Variants in LRRC8C observed in about 807,000 individuals in gnomAD.
LRRC8C encodes leucine rich repeat containing 8 VRAC subunit C.
LRRC8C carries 20 observed loss-of-function variants against 55.3 expected under a neutral mutation model. The observed-to-expected ratio is 0.36, with a 90% CI of 0.25 to 0.53. The LOEUF is 0.53. Ranked by LOEUF, LRRC8C falls within the 20% of genes least tolerant of loss-of-function variation. The pLI is 0.92. For missense variants in LRRC8C, 659 were observed against 951.4 expected, an observed-to-expected ratio of 0.69 and a Z score of 4.04; for synonymous variants, 376 against 360.7, an observed-to-expected ratio of 1.04 and a Z score of -0.48.
At chr1:89,710,960 G>A (rs1345467094) in intron 2 of LRRC8C, among the ~76,000 whole-genome samples, 2 of 152,110 alleles carry the variant, frequency 1.3e-5, no homozygotes, top group Non-Finnish European at 2.9e-5. Flanking sequence ...TCTATAAAAT[G>A]GAAATAATAA....
the LRRC8C span, among the ~76,000 whole-genome samples, chr1:89,621,791 T>C: frequency 1.5e-4 from 23 of 152,226 alleles, no homozygotes; most frequent in African/African-American, 5.5e-4. Flanking sequence ...TGGTATTTGT[T>C]TTAGGTTACT....
chr1:89,709,548 T>C (rs1281972455), intron 2 of LRRC8C, among the ~76,000 whole-genome samples: 2 of 152,116 alleles, frequency 1.3e-5, no homozygotes, highest in Admixed American at 1.3e-4. Context: ...CCAAGTTCCT[T>C]AAGTCCACCG....
Position 89,712,714 on chromosome 1 carries a change from G to T in LRRC8C, c.144G>T (p.Met48Ile). Residue 48 changes from methionine to isoleucine, a missense_variant, in exon 3 of 3, where the codon ATG becomes ATT. Physicochemically the swap from Met to Ile is conservative, Grantham distance 10 (BLOSUM62 1). Transcript: ENST00000370454. Reference sequence around the variant, plus strand: ...ATATTATTTCCATGTTTCAGGTCATGCAAGACAAGATAATCTGCCTTCCGA... The same window carrying T: ...ATATTATTTCCATGTTTCAGGTCATTCAAGACAAGATAATCTGCCTTCCGA... ...IGVFGCTLQV[M>I]QDKIICLPKR... The T allele has an allele frequency of 6.2e-7, 1 of 1,611,280 alleles. No homozygotes were observed. The highest frequency in any genetic ancestry group is 8.5e-7 in the Non-Finnish European group (1 of 1,177,434).
intron 1 of LRRC8C, among the ~76,000 whole-genome samples, chr1:89,686,013 C>T (rs1177564519): frequency 1.2e-5 from 1 of 85,636 alleles, no homozygotes; most frequent in African/African-American, 4.6e-5. Context: ...AGAATTAGCA[C>T]AAAAGAATGC....
chr1:89,661,784 G>A (rs1657130224), intron 1 of LRRC8C, among the ~76,000 whole-genome samples: 1 of 152,104 alleles, frequency 6.6e-6, no homozygotes, highest in South Asian at 2.1e-4. Flanking sequence ...ATAAGGCAGG[G>A]CAGGAGGAAA....
At chr1:89,707,325 T>C (rs775197266) in intron 2 of LRRC8C, among the ~76,000 whole-genome samples, 22 of 152,046 alleles carry the variant, frequency 1.4e-4, no homozygotes, top group Non-Finnish European at 2.8e-4. Context: ...AAGAATCACT[T>C]GAACCCGGGA....
chr1:89,685,218 A>T (rs888441199), intron 1 of LRRC8C, among the ~76,000 whole-genome samples: 2 of 143,032 alleles, frequency 1.4e-5, no homozygotes, highest in Non-Finnish European at 3.0e-5. Context: ...TCCCGGGTTC[A>T]CGCCATTCTC....
intron 2 of LRRC8C, among the ~76,000 whole-genome samples, chr1:89,698,261 C>A (rs1015934011): frequency 2.6e-5 from 4 of 152,122 alleles, no homozygotes; most frequent in African/African-American, 4.8e-5. Context: ...TCCAGATGTT[C>A]TCTGGCATCT....
In LRRC8C at chr1:89,718,167, T is replaced by C. The variant is rs1477384465; in HGVS notation, c.*3185T>C. 2.0e-5 allele frequency: 3 copies of C among 152,200 alleles called. No homozygotes were observed. Among genetic ancestry groups the C allele is most frequent in the African/African-American group, 7.2e-5 (3 of 41,460 alleles). 9.4% of individuals were successfully genotyped at this position (152,200 alleles called of 1,614,324 possible). A position where few individuals can be genotyped will look rare whatever the true frequency, so the allele number is the denominator to read the frequency against. On this transcript the variant is annotated 3_prime_UTR_variant, in exon 3 of 3. Transcript: ENST00000370454. ...TCTTGATACAGTGAAATCTCTTATT[T>C]CAAGTGTAAGTTATTCTTCACCCAC...
In LRRC8C at chr1:89,715,052, A is replaced by G. The variant is rs1268767990; in HGVS notation, c.*70A>G. On this transcript the variant is annotated 3_prime_UTR_variant, in exon 3 of 3. Coordinates refer to ENST00000370454, the MANE Select transcript of LRRC8C (RefSeq NM_032270.5). ...ACAGTATAAATAATTAGGTAGTCTT[A>G]ATGCCTTTCCTATTTTTTTTTCCTT... is the stretch of plus-strand genomic sequence containing the variant. 1.1e-5 allele frequency: 12 copies of G among 1,045,296 alleles called. No homozygotes were observed. In the East Asian group the frequency reaches 3.2e-4, roughly 28 times the overall value. 64.8% of individuals were successfully genotyped at this position (1,045,296 alleles called of 1,614,324 possible). A position where few individuals can be genotyped will look rare whatever the true frequency, so the allele number is the denominator to read the frequency against.
intron 2 of LRRC8C, among the ~76,000 whole-genome samples, chr1:89,692,006 A>G (rs550107746): frequency 6.6e-6 from 1 of 152,346 alleles, no homozygotes; most frequent in South Asian, 2.1e-4. Flanking sequence ...GGTACAAATT[A>G]TCAAAGTAAA....
chr1:89,622,549 A>G, the LRRC8C span, among the ~76,000 whole-genome samples: 1 of 151,892 alleles, frequency 6.6e-6, no homozygotes, highest in Non-Finnish European at 1.5e-5. Context: ...TAGCCAGGAT[A>G]GTCTCGATCT....
At chr1:89,627,867 T>A in the LRRC8C span, among the ~76,000 whole-genome samples, 1 of 152,340 alleles carries the variant, frequency 6.6e-6, no homozygotes, top group South Asian at 2.1e-4. Context: ...GCATCCCAAA[T>A]CTGAGGTGCT....
chr1:89,651,479 A>G (rs1656777035), intron 1 of LRRC8C, among the ~76,000 whole-genome samples: 1 of 149,396 alleles, frequency 6.7e-6, no homozygotes, highest in African/African-American at 2.5e-5. Flanking sequence ...GAGGCAGGAG[A>G]ATGGCATGAA....
chr1:89,639,609 T>C (rs1249579384), intron 1 of LRRC8C, among the ~76,000 whole-genome samples: 1 of 152,212 alleles, frequency 6.6e-6, no homozygotes, highest in Non-Finnish European at 1.5e-5. Context: ...AATATATTTG[T>C]TTTTCCACAT....
At chr1:89,635,468 C>T (rs1389684492) in intron 1 of LRRC8C, among the ~76,000 whole-genome samples, 1 of 152,134 alleles carries the variant, frequency 6.6e-6, no homozygotes, top group Non-Finnish European at 1.5e-5. Context: ...ATGGTGCCAT[C>T]CACATTTTAC....
intron 1 of LRRC8C, among the ~76,000 whole-genome samples, chr1:89,682,957 G>A (rs1324566276): frequency 6.6e-6 from 1 of 152,128 alleles, no homozygotes; most frequent in Non-Finnish European, 1.5e-5. Context: ...TGAGTATGTG[G>A]CATATATATC....
chr1:89,643,737 AT>A (rs1219614062), intron 1 of LRRC8C, among the ~76,000 whole-genome samples: 1 of 152,166 alleles, frequency 6.6e-6, no homozygotes, highest in East Asian at 1.9e-4. Context: ...TTCATACAGG[AT>A]GTTTTCCTTC....
At chr1:89,689,316 T>A (rs1209545111) in intron 2 of LRRC8C, among the ~76,000 whole-genome samples, 2 of 152,078 alleles carry the variant, frequency 1.3e-5, no homozygotes, top group African/African-American at 4.8e-5. Flanking sequence ...CAGTAAAAGG[T>A]GAGGCCCGAG....
Sources: gnomAD v4.1 joint callset for allele counts (sites outside exome capture counted in the v4.1 genomes callset) on GRCh38, gnomAD v4.1.1 for gene constraint, MANE v1.5 for transcripts, NCBI Gene and HGNC (gene_info 2026-07-23, HGNC 2026-07-21) for gene names.